MSI2: variants seen among roughly 807,000 people sequenced by gnomAD.
MSI2 encodes the protein RNA-binding protein Musashi homolog 2.
MSI2 carries 17 observed loss-of-function variants against 45.6 expected under a neutral mutation model. That is an observed-to-expected ratio of 0.37 (90% CI 0.26 to 0.56). MSI2 has a LOEUF of 0.56. Among genes scored for constraint, MSI2 ranks in the 20% least tolerant of loss-of-function variants. The pLI is 0.77. For synonymous variants in MSI2, 156 were observed against 158.2 expected (o/e 0.99, Z 0.11); for missense variants, 293 against 444.2 (o/e 0.66, Z 3.06).
At chr17:57,558,083 G>A (rs991851688) in intron 7 of MSI2, among the ~76,000 whole-genome samples, 2 of 152,166 alleles carry the variant, frequency 1.3e-5, no homozygotes, top group South Asian at 2.1e-4. Flanking sequence ...TGCTCAAGAC[G>A]GAGCTTGCCT....
chr17:57,395,770 G>C (rs1409131473), intron 5 of MSI2, among the ~76,000 whole-genome samples: 1 of 152,224 alleles, frequency 6.6e-6, no homozygotes, highest in Non-Finnish European at 1.5e-5. Context: ...TTTCATCCTG[G>C]ATTCTGAATT....
rs892396396 is a variant in MSI2 at position 57,326,041 on chromosome 17, A to G, written c.312+63849A>G. On this transcript the variant is annotated intron_variant, in intron 5 of 13. Coordinates refer to ENST00000284073, the MANE Select transcript of MSI2 (RefSeq NM_138962.4). The stretch of plus-strand genomic sequence containing the variant: ...TCAGTGGGGCTCCCTTTTTTCCTTC[A>G]AGCGGCAGCTTAAACCGTGCCTTTT... Among the ~76,000 whole-genome samples the G allele has an allele frequency of 7.9e-5, 12 of 151,854 alleles. No homozygotes were observed. The East Asian group carries it at 2.1e-3, about 27-fold the overall frequency.
chr17:57,541,723 T>C (rs1329662339), intron 7 of MSI2, among the ~76,000 whole-genome samples: 1 of 152,186 alleles, frequency 6.6e-6, no homozygotes, highest in East Asian at 1.9e-4. Flanking sequence ...GTGCTTCTCT[T>C]AATCCCCTGG....
chr17:57,620,941 T>G (rs576036293), intron 9 of MSI2, among the ~76,000 whole-genome samples: 30 of 152,210 alleles, frequency 2.0e-4, no homozygotes, highest in Non-Finnish European at 3.4e-4. Flanking sequence ...CTGAGCCCTC[T>G]GTAAAGCATC....
At chr17:57,478,461 A>G (rs373661200) in intron 6 of MSI2, among the ~76,000 whole-genome samples, 2 of 152,308 alleles carry the variant, frequency 1.3e-5, no homozygotes, top group Admixed American at 6.5e-5. Flanking sequence ...CAGATATCTT[A>G]GTTTCTTTTC....
At chr17:57,368,894 A>AAAAAGCATTCTAGAAGG (rs1461434154) in intron 5 of MSI2, among the ~76,000 whole-genome samples, 2 of 152,200 alleles carry the variant, frequency 1.3e-5, no homozygotes, top group Non-Finnish European at 2.9e-5. Context: ...ACAAGGAAGG[A>AAAAAGCATTCTAGAAGG]AAAAGCATTC....
chr17:57,478,363 A>G (rs1026743049), intron 6 of MSI2, among the ~76,000 whole-genome samples: 3 of 152,248 alleles, frequency 2.0e-5, no homozygotes, highest in Admixed American at 1.3e-4. Context: ...CTTTTCCAGC[A>G]CAAAAGCACT....
chr17:57,586,878 C>T (rs1349376905), intron 7 of MSI2, among the ~76,000 whole-genome samples: 1 of 151,722 alleles, frequency 6.6e-6, no homozygotes, highest in East Asian at 1.9e-4. Context: ...TTTCCCACTT[C>T]ATGTAAGAGA....
chr17:57,598,118 C>T (rs1220152776), intron 8 of MSI2, among the ~76,000 whole-genome samples: 1 of 152,188 alleles, frequency 6.6e-6, no homozygotes, highest in African/African-American at 2.4e-5. Context: ...AATAGAAGCT[C>T]AGCAGGTGTT....
intron 6 of MSI2, among the ~76,000 whole-genome samples, chr17:57,413,773 G>A (rs751771691): frequency 1.3e-5 from 2 of 151,924 alleles, no homozygotes; most frequent in East Asian, 3.8e-4. Flanking sequence ...AGTGTAAAGC[G>A]AGAGGGAGAA....
intron 10 of MSI2, among the ~76,000 whole-genome samples, chr17:57,642,534 C>T (rs552333198): frequency 1.2e-4 from 18 of 152,314 alleles, no homozygotes; most frequent in East Asian, 1.9e-4. Context: ...GAGTGAGCCA[C>T]GGCCTCCTTT....
At chr17:57,510,104 G>C (rs138839954) in intron 6 of MSI2, among the ~76,000 whole-genome samples, 2 of 152,028 alleles carry the variant, frequency 1.3e-5, no homozygotes, top group East Asian at 1.9e-4. Flanking sequence ...TCACACCACC[G>C]TTCTGCCCCA....
intron 10 of MSI2, among the ~76,000 whole-genome samples, chr17:57,647,658 T>G (rs117789313): frequency 6.6e-6 from 1 of 151,606 alleles, no homozygotes; most frequent in Non-Finnish European, 1.5e-5. Context: ...TTTTTTTTTT[T>G]CTTCGAGACA....
At chr17:57,678,726 C>G (rs1913418345) in intron 13 of MSI2, among the ~76,000 whole-genome samples, 1 of 152,180 alleles carries the variant, frequency 6.6e-6, no homozygotes, top group African/African-American at 2.4e-5. Flanking sequence ...CCTCCCTCAT[C>G]TAAGTCTAGG....
chr17:57,257,560 C>A lies in MSI2; in HGVS notation c.185+13C>A. ...CGAAACGCTCCAGGTAAACCATTCC[C>A]TTCTGGATTTTGTCTTTATTTTAGA... On this transcript the variant is annotated intron_variant, in intron 3 of 13. Transcript: ENST00000284073. 6.4e-7 allele frequency: 1 copy of A among 1,551,918 alleles called. No individual in the cohort carries two copies. The highest frequency in any genetic ancestry group is 8.9e-7 in the Non-Finnish European group (1 of 1,126,312).
At chr17:57,528,636 G>A (rs569004083) in intron 6 of MSI2, among the ~76,000 whole-genome samples, 3 of 152,248 alleles carry the variant, frequency 2.0e-5, no homozygotes, top group East Asian at 3.9e-4. Flanking sequence ...TGGCAGGGTT[G>A]GTTTCTTCTG....
intron 5 of MSI2, among the ~76,000 whole-genome samples, chr17:57,292,623 A>T (rs971562955): frequency 6.6e-6 from 1 of 152,140 alleles, no homozygotes; most frequent in Admixed American, 6.5e-5. Flanking sequence ...AGGTGCCTGG[A>T]CATCTGTGAC....
intron 5 of MSI2, among the ~76,000 whole-genome samples, chr17:57,295,248 G>C (rs1910822050): frequency 6.6e-6 from 1 of 152,162 alleles, no homozygotes; most frequent in Non-Finnish European, 1.5e-5. Context: ...TACGCCTCCT[G>C]CCCAGCATCT....
At chr17:57,664,996 C>G (rs1380587412) in intron 11 of MSI2, among the ~76,000 whole-genome samples, 1 of 152,230 alleles carries the variant, frequency 6.6e-6, no homozygotes, top group African/African-American at 2.4e-5. Flanking sequence ...TAACACGGGG[C>G]TCAAGTATCA....
Sources: gnomAD v4.1 joint callset for allele counts (sites outside exome capture counted in the v4.1 genomes callset) on GRCh38, gnomAD v4.1.1 for gene constraint, MANE v1.5 for transcripts, NCBI Gene and HGNC (gene_info 2026-07-23, HGNC 2026-07-21) for gene names.